CDYL2: variants seen among roughly 807,000 people sequenced by gnomAD.
CDYL2 encodes the protein chromodomain Y like 2.
A neutral mutation model predicts 49.4 loss-of-function variants in CDYL2; 23 were observed. The ratio of observed to expected loss-of-function variants is 0.47; its 90% CI spans 0.34 to 0.66. The LOEUF (loss-of-function observed/expected upper bound fraction) is 0.66, where lower values mean the gene tolerates loss of function less well. CDYL2 is among the 30% of genes least tolerant of loss of function. The probability of loss-of-function intolerance (pLI) is 0.01; values close to 1 mark genes in which losing one functional copy is unlikely to be tolerated. For synonymous variants in CDYL2, 360 were observed against 268.8 expected (o/e 1.34, Z -3.32); for missense variants, 678 against 656.4 (o/e 1.03, Z -0.36).
intron 2 of CDYL2, among the ~76,000 whole-genome samples, chr16:80,674,032 T>C (rs1018320775): frequency 1.3e-5 from 2 of 152,128 alleles, no homozygotes; most frequent in Admixed American, 6.5e-5. Flanking sequence ...GCCCTGCCAA[T>C]GCATTTTAGA....
At chr16:80,799,061 T>A (rs1038871060) in intron 1 of CDYL2, among the ~76,000 whole-genome samples, 1 of 151,900 alleles carries the variant, frequency 6.6e-6, no homozygotes, top group Non-Finnish European at 1.5e-5. Context: ...GAAAATAAAA[T>A]AGGTTACAAA....
chr16:80,795,703 C>A (rs1907751165), intron 1 of CDYL2, among the ~76,000 whole-genome samples: 1 of 152,196 alleles, frequency 6.6e-6, no homozygotes, highest in Non-Finnish European at 1.5e-5. Context: ...CAAGGTCCAG[C>A]ACCACCATGC....
At chr16:80,800,923 C>G (rs1408760190) in intron 1 of CDYL2, among the ~76,000 whole-genome samples, 2 of 152,156 alleles carry the variant, frequency 1.3e-5, no homozygotes, top group Non-Finnish European at 2.9e-5. Flanking sequence ...TCTACTGGAG[C>G]CCAGTGAATG....
intron 1 of CDYL2, among the ~76,000 whole-genome samples, chr16:80,689,272 A>C (rs1187766279): frequency 6.6e-6 from 1 of 152,192 alleles, no homozygotes; most frequent in Non-Finnish European, 1.5e-5. Context: ...GGAAATGCTG[A>C]TGCTATTATT....
chr16:80,728,464 C>T (rs1332931621), intron 1 of CDYL2, among the ~76,000 whole-genome samples: 5 of 152,152 alleles, frequency 3.3e-5, no homozygotes, highest in East Asian at 1.9e-4. Flanking sequence ...ATCAAATCTA[C>T]GTCTGATTGG....
intron 2 of CDYL2, among the ~76,000 whole-genome samples, chr16:80,679,239 G>A (rs968825535): frequency 7.3e-5 from 11 of 151,574 alleles, no homozygotes; most frequent in African/African-American, 2.7e-4. Flanking sequence ...TTGTACACAT[G>A]TACCCTAAAA....
chr16:80,698,294 G>C (rs1486807696), intron 1 of CDYL2, among the ~76,000 whole-genome samples: 1 of 152,092 alleles, frequency 6.6e-6, no homozygotes, highest in African/African-American at 2.4e-5. Flanking sequence ...GTACTGCAAA[G>C]AAAACAATCA....
At chr16:80,753,020 CAT>C (rs1422750014) in intron 1 of CDYL2, among the ~76,000 whole-genome samples, 1 of 152,138 alleles carries the variant, frequency 6.6e-6, no homozygotes, top group Non-Finnish European at 1.5e-5. Context: ...GTAATAATGA[CAT>C]GTGGCCTTCA....
In CDYL2 at chr16:80,671,212, G is replaced by C. The variant is rs1445655872; in HGVS notation, c.616+13326C>G. ...GAGGTGTCTGGGGCAGCCCTTAATG[G>C]AGAATGTCTATCAGCCGAGCTGCCC... On this transcript the variant is annotated intron_variant, in intron 2 of 6. Coordinates refer to ENST00000570137, the MANE Select transcript of CDYL2 (RefSeq NM_152342.4). 3.3e-5 allele frequency among the ~76,000 whole-genome samples: 5 copies of C among 152,310 alleles called. No homozygotes were observed. In the East Asian group the frequency reaches 9.6e-4, roughly 29 times the overall value.
intron 1 of CDYL2, among the ~76,000 whole-genome samples, chr16:80,782,046 T>C (rs1278933762): frequency 2.0e-5 from 3 of 151,646 alleles, no homozygotes; most frequent in African/African-American, 7.3e-5. Context: ...TAATAAAGAT[T>C]AGCATAAAGT....
chr16:80,634,315 C>T (rs1031357455), intron 2 of CDYL2, among the ~76,000 whole-genome samples: 1 of 152,076 alleles, frequency 6.6e-6, no homozygotes, highest in African/African-American at 2.4e-5. Flanking sequence ...ACTATGCAAC[C>T]ATAAAAAAGG....
intron 1 of CDYL2, among the ~76,000 whole-genome samples, chr16:80,759,122 A>ATATATATATATATATATATATGTTT (rs1567597502): frequency 1.6e-5 from 2 of 127,838 alleles, no homozygotes; most frequent in African/African-American, 6.7e-5. Context: ...ATATATATAT[A>ATATATATATATATATATATATGTTT]TATATATATA....
chr16:80,646,866 A>C (rs1476461022), intron 2 of CDYL2, among the ~76,000 whole-genome samples: 1 of 150,144 alleles, frequency 6.7e-6, no homozygotes, highest in African/African-American at 2.5e-5. Flanking sequence ...TAAGAAACAC[A>C]CTTCGCCTTT....
chr16:80,799,355 TC>T (rs1172716974), intron 1 of CDYL2, among the ~76,000 whole-genome samples: 2 of 152,098 alleles, frequency 1.3e-5, no homozygotes, highest in Non-Finnish European at 2.9e-5. Context: ...TATTAACACT[TC>T]CCCACTGTAC....
At chr16:80,693,203 T>A (rs1305017742) in intron 1 of CDYL2, among the ~76,000 whole-genome samples, 1 of 152,146 alleles carries the variant, frequency 6.6e-6, no homozygotes, top group Non-Finnish European at 1.5e-5. Flanking sequence ...AAATGTTCTA[T>A]AATTGGATTT....
At position 80,604,325 on chromosome 16, in the gene CDYL2, T is replaced by C; in HGVS notation, c.*63A>G. ...CAAACTCCTTGGCCGGGGCAGACAC[T>C]GTGCTCTGGTTTCCGAAACACAGGG... On this transcript the variant is annotated 3_prime_UTR_variant, in exon 7 of 7. Coordinates refer to ENST00000570137, the MANE Select transcript of CDYL2 (RefSeq NM_152342.4). 1.9e-6 allele frequency: 3 copies of C among 1,583,012 alleles called. No individual in the cohort carries two copies. Among genetic ancestry groups the C allele is most frequent in the Non-Finnish European group, 2.6e-6 (3 of 1,155,358 alleles).
chr16:80,782,612 A>T (rs1256578495), intron 1 of CDYL2, among the ~76,000 whole-genome samples: 1 of 151,792 alleles, frequency 6.6e-6, no homozygotes, highest in Non-Finnish European at 1.5e-5. Context: ...ATACTAGGAA[A>T]CCAAATTCAG....
At chr16:80,669,989 GC>G (rs1270190083) in intron 2 of CDYL2, among the ~76,000 whole-genome samples, 1 of 152,188 alleles carries the variant, frequency 6.6e-6, no homozygotes, top group Non-Finnish European at 1.5e-5. Flanking sequence ...GAATCCCTCT[GC>G]CTAAGTCTGC....
chr16:80,731,790 TA>T (rs1322673865), intron 1 of CDYL2, among the ~76,000 whole-genome samples: 4 of 152,126 alleles, frequency 2.6e-5, no homozygotes, highest in Non-Finnish European at 5.9e-5. Flanking sequence ...GCGAAATCTC[TA>T]AAGGTTAACT....
Sources: allele counts gnomAD v4.1 joint callset (sites outside exome capture counted in the v4.1 genomes callset), GRCh38; gene constraint gnomAD v4.1.1; transcripts MANE v1.5; gene names NCBI Gene and HGNC (gene_info 2026-07-23, HGNC 2026-07-21).